Variants in NKAIN3 observed in about 807,000 individuals in gnomAD.
NKAIN3 encodes sodium/potassium-transporting ATPase subunit beta-1-interacting protein 3.
NKAIN3 carries 25 observed loss-of-function variants against 30.2 expected under a neutral mutation model. That is an observed-to-expected ratio of 0.83 (90% CI 0.60 to 1.16). NKAIN3 has a LOEUF of 1.16. Among genes scored for constraint, NKAIN3 ranks in the 50% most tolerant of loss-of-function variants. The pLI is 0.00. For synonymous variants in NKAIN3, 91 were observed against 89.6 expected, an observed-to-expected ratio of 1.02 and a Z score of -0.09; for missense variants, 225 against 254.1, an observed-to-expected ratio of 0.89 and a Z score of 0.78.
intron 1 of NKAIN3, among the ~76,000 whole-genome samples, chr8:62,294,904 A>T (rs999168210): frequency 1.3e-5 from 2 of 152,120 alleles, no homozygotes; most frequent in Non-Finnish European, 2.9e-5. Context: ...AGAGGACTCA[A>T]CACTTCTATC....
At chr8:62,488,965 C>A (rs552886752) in intron 1 of NKAIN3, among the ~76,000 whole-genome samples, 1 of 152,106 alleles carries the variant, frequency 6.6e-6, no homozygotes, top group Admixed American at 6.5e-5. Context: ...AAATGGCAGG[C>A]GTGCTAAGTG....
At chr8:62,676,859 G>A (rs1232173635) in intron 3 of NKAIN3, among the ~76,000 whole-genome samples, 1 of 151,826 alleles carries the variant, frequency 6.6e-6, no homozygotes, top group Non-Finnish European at 1.5e-5. Context: ...CATGACAGGT[G>A]TGCATCACCA....
At chr8:62,729,052 A>AAAAAAAAAAAAACC (rs1815382295) in intron 3 of NKAIN3, among the ~76,000 whole-genome samples, 2 of 138,384 alleles carry the variant, frequency 1.4e-5, no homozygotes, top group African/African-American at 2.8e-5. Context: ...AAAAAAAAAA[A>AAAAAAAAAAAAACC]CCTCCTGCTC....
At chr8:62,705,497 T>C (rs1814489763) in intron 3 of NKAIN3, among the ~76,000 whole-genome samples, 2 of 152,320 alleles carry the variant, frequency 1.3e-5, no homozygotes, top group South Asian at 4.1e-4. Flanking sequence ...TGGAAATTCA[T>C]GACTTTTTTT....
At chr8:62,611,537 C>T (rs1190721592) in intron 3 of NKAIN3, among the ~76,000 whole-genome samples, 1 of 152,106 alleles carries the variant, frequency 6.6e-6, no homozygotes, top group African/African-American at 2.4e-5. Flanking sequence ...TGATAACATG[C>T]AATGTTTGTC....
intron 1 of NKAIN3, among the ~76,000 whole-genome samples, chr8:62,398,372 A>G (rs1338548414): frequency 1.3e-5 from 2 of 152,220 alleles, no homozygotes; most frequent in Non-Finnish European, 2.9e-5. Context: ...CGCACATTTA[A>G]GAATAAACTT....
At chr8:62,816,579 TGC>T (rs1269171273) in intron 4 of NKAIN3, among the ~76,000 whole-genome samples, 1 of 152,128 alleles carries the variant, frequency 6.6e-6, no homozygotes, top group Non-Finnish European at 1.5e-5. Flanking sequence ...TAGCTCCTTC[TGC>T]TCTGGGGGAA....
At chr8:62,352,378 A>G (rs1816207118) in intron 1 of NKAIN3, among the ~76,000 whole-genome samples, 1 of 152,176 alleles carries the variant, frequency 6.6e-6, no homozygotes, top group African/African-American at 2.4e-5. Context: ...CTCTTAGCAC[A>G]TGGACCATTT....
intron 4 of NKAIN3, among the ~76,000 whole-genome samples, chr8:62,757,177 C>T (rs970087051): frequency 6.6e-6 from 1 of 152,064 alleles, no homozygotes. Flanking sequence ...TTTATTGGTG[C>T]ATTACTTGGG....
intron 3 of NKAIN3, among the ~76,000 whole-genome samples, chr8:62,697,630 C>T (rs1188598902): frequency 6.6e-6 from 1 of 152,252 alleles, no homozygotes; most frequent in East Asian, 1.9e-4. Context: ...ACTTCTAGAA[C>T]ATATGCTCTT....
At chr8:62,374,113 C>CAAAA (rs66521184) in intron 1 of NKAIN3, among the ~76,000 whole-genome samples, 108 of 64,250 alleles carry the variant, frequency 1.7e-3, no homozygotes, top group African/African-American at 5.7e-3. Flanking sequence ...ACTCCATCTC[C>CAAAA]AAAAAAAAAA....
intron 6 of NKAIN3, among the ~76,000 whole-genome samples, chr8:62,956,661 C>G (rs547915018): frequency 6.6e-6 from 1 of 152,192 alleles, no homozygotes; most frequent in South Asian, 2.1e-4. Flanking sequence ...GTAATGATAT[C>G]AAGCTAAAAA....
intron 4 of NKAIN3, among the ~76,000 whole-genome samples, chr8:62,747,583 G>T (rs536484465): frequency 6.6e-6 from 1 of 152,026 alleles, no homozygotes; most frequent in African/African-American, 2.4e-5. Flanking sequence ...GAGACTCTTC[G>T]CATTTTAGTG....
At chr8:62,656,541 G>T (rs1812770336) in intron 3 of NKAIN3, among the ~76,000 whole-genome samples, 1 of 152,130 alleles carries the variant, frequency 6.6e-6, no homozygotes, top group Non-Finnish European at 1.5e-5. Context: ...CTTATTTGGA[G>T]TTCTGTGGCT....
chr8:62,420,819 A>T (rs905370845), intron 1 of NKAIN3, among the ~76,000 whole-genome samples: 5 of 152,196 alleles, frequency 3.3e-5, no homozygotes, highest in African/African-American at 1.2e-4. Context: ...TAGTTTAAAA[A>T]TTTTCAGAAA....
At chr8:62,856,973 A>G in intron 4 of NKAIN3, 1 of 537,056 alleles carries the variant, frequency 1.9e-6, no homozygotes, top group Non-Finnish European at 3.6e-6. Context: ...AAAAAAAAAC[A>G]AACTATCTCT....
At chr8:62,541,171 G>T (rs905174170) in intron 1 of NKAIN3, among the ~76,000 whole-genome samples, 1 of 151,838 alleles carries the variant, frequency 6.6e-6, no homozygotes, top group Admixed American at 6.6e-5. Context: ...AAAAAAAATA[G>T]CCAGGTGTGG....
chr8:62,281,909 A>AT (rs911735843), intron 1 of NKAIN3, among the ~76,000 whole-genome samples: 23 of 151,594 alleles, frequency 1.5e-4, no homozygotes, highest in Non-Finnish European at 2.2e-4. Flanking sequence ...GACAAAAACA[A>AT]TTTTTTTTTA....
rs146044619 is a variant in NKAIN3 at position 62,326,904 on chromosome 8, A to T, written c.54+77777A>T. Among the ~76,000 whole-genome samples, 850 of 152,070 alleles carry T rather than the reference A, an allele frequency of 5.6e-3. 9 individuals carry two copies. Among genetic ancestry groups the T allele is most frequent in the African/African-American group, 0.02 (813 of 41,502 alleles). ...ACTGATTTACACAGTGTCCTGCATCATTTTACGTTGCCGCCGACAGGGAAT... is the reference window on the plus strand; with the variant it reads ...ACTGATTTACACAGTGTCCTGCATCTTTTTACGTTGCCGCCGACAGGGAAT... On this transcript the variant is annotated intron_variant, in intron 1 of 6. Transcript: ENST00000623646.
Sources: gnomAD v4.1 joint callset for allele counts (sites outside exome capture counted in the v4.1 genomes callset) on GRCh38, gnomAD v4.1.1 for gene constraint, MANE v1.5 for transcripts, NCBI Gene and HGNC (gene_info 2026-07-23, HGNC 2026-07-21) for gene names.